The following FAM162A variants were observed in gnomAD, a reference collection of about 807,000 sequenced individuals.
FAM162A encodes protein FAM162A.
FAM162A carries 23 observed loss-of-function variants against 21.8 expected under a neutral mutation model. The observed-to-expected ratio is 1.05, with a 90% confidence interval of 0.76 to 1.49. FAM162A has a LOEUF of 1.49. FAM162A is among the 40% of genes most tolerant of loss of function. FAM162A has a pLI of 0.00. For synonymous variants in FAM162A, 53 were observed against 61.3 expected (o/e 0.86, Z 0.64); for missense variants, 165 against 186.4 (o/e 0.89, Z 0.67).
chr3:122,392,946 A>G (rs1165461177), intron 1 of FAM162A, among the ~76,000 whole-genome samples: 2 of 152,240 alleles, frequency 1.3e-5, no homozygotes, highest in African/African-American at 4.8e-5. Flanking sequence ...CTGTGTTTCA[A>G]GCATCTTACC....
chr3:122,384,223 C>T lies in FAM162A; in HGVS notation c.-43C>T, dbSNP rs554271504. On this transcript the variant is annotated 5_prime_UTR_variant, in exon 1 of 5. Transcript: ENST00000477892. ...ACATTGAGCTCACCAGCGCCACCGT[C>T]CCCGGCGAAGTTCTGCGCTGGTCGG... The T allele has an allele frequency of 9.6e-6, 15 of 1,555,734 alleles. No individual in the cohort carries two copies. In the East Asian group the frequency reaches 1.9e-4, roughly 20 times the overall value.
intron 1 of FAM162A, among the ~76,000 whole-genome samples, chr3:122,395,994 G>A (rs1033603194): frequency 2.6e-5 from 4 of 152,144 alleles, no homozygotes; most frequent in Non-Finnish European, 4.4e-5. Flanking sequence ...ATATTTACAT[G>A]CCAAAGAATG....
intron 1 of FAM162A, among the ~76,000 whole-genome samples, chr3:122,397,203 ATTT>A (rs970177328): frequency 6.7e-6 from 1 of 148,510 alleles, no homozygotes; most frequent in African/African-American, 2.5e-5. Context: ...TGTTCAAAAG[ATTT>A]TTTTTTTTAA....
At chr3:122,403,083 A>C (rs1339638173) in intron 2 of FAM162A, among the ~76,000 whole-genome samples, 1 of 151,850 alleles carries the variant, frequency 6.6e-6, no homozygotes, top group Admixed American at 6.6e-5. Flanking sequence ...ATGTTCCTAC[A>C]TCATACCTCC....
chr3:122,408,074 A>G (rs1408031641), intron 4 of FAM162A: 2 of 152,210 alleles, frequency 1.3e-5, no homozygotes, highest in Non-Finnish European at 2.9e-5. Flanking sequence ...ATATCTCCTT[A>G]ATGACGAGCC....
At chr3:122,394,374 G>T (rs2075617996) in intron 1 of FAM162A, among the ~76,000 whole-genome samples, 1 of 152,114 alleles carries the variant, frequency 6.6e-6, no homozygotes, top group South Asian at 2.1e-4. Flanking sequence ...GCCCCAACAT[G>T]CACACACAGC....
chr3:122,397,908 T>C (rs2075636621), intron 1 of FAM162A, among the ~76,000 whole-genome samples: 1 of 152,090 alleles, frequency 6.6e-6, no homozygotes, highest in South Asian at 2.1e-4. Flanking sequence ...CCAGAGCCCA[T>C]TGGGAGGAAT....
chr3:122,403,869 C>G (rs2075665133), intron 2 of FAM162A, among the ~76,000 whole-genome samples: 1 of 152,298 alleles, frequency 6.6e-6, no homozygotes, highest in East Asian at 1.9e-4. Flanking sequence ...CCGTGTCCCC[C>G]TTTTCTGTCT....
At position 122,399,996 on chromosome 3, in the gene FAM162A, C is replaced by T. The variant is rs139866097; in HGVS notation, c.35-2764C>T. 4.2e-3 allele frequency among the ~76,000 whole-genome samples: 633 copies of T among 152,110 alleles called. 3 individuals carry two copies. Among genetic ancestry groups the T allele is most frequent in the African/African-American group, 0.014 (596 of 41,474 alleles). ...GCAGACGCCTGTAATCCCAGCTACT[C>T]GGAAGGCTGAAGCAGGAGAATCGCT... On this transcript the variant is annotated intron_variant, in intron 1 of 4. Transcript: ENST00000477892.
chr3:122,386,034 A>T (rs1026177119), intron 1 of FAM162A, among the ~76,000 whole-genome samples: 6 of 152,112 alleles, frequency 3.9e-5, no homozygotes, highest in Non-Finnish European at 8.8e-5. Context: ...GTACCCTTTA[A>T]TTCTGGAATT....
At chr3:122,403,141 T>C (rs971738814) in intron 2 of FAM162A, among the ~76,000 whole-genome samples, 2 of 152,040 alleles carry the variant, frequency 1.3e-5, no homozygotes, top group Non-Finnish European at 2.9e-5. Context: ...ACACTTCTCA[T>C]GTTTTACTCA....
intron 1 of FAM162A, among the ~76,000 whole-genome samples, chr3:122,388,735 G>A (rs551302803): frequency 6.6e-6 from 1 of 152,220 alleles, no homozygotes; most frequent in South Asian, 2.1e-4. Context: ...AGTCAGAAGG[G>A]CTAATGATGA....
intron 1 of FAM162A, among the ~76,000 whole-genome samples, chr3:122,389,865 G>A (rs959920729): frequency 3.9e-5 from 6 of 152,150 alleles, no homozygotes; most frequent in Admixed American, 2.0e-4. Flanking sequence ...ATGAGCAAGT[G>A]TTACTTTTAT....
Position 122,410,265 on chromosome 3 carries a change from C to A in FAM162A, c.*434C>A. On this transcript the variant is annotated 3_prime_UTR_variant, in exon 5 of 5. Coordinates refer to ENST00000477892, the MANE Select transcript of FAM162A (RefSeq NM_014367.4). ...GGTGTACTGGTGGGGAGGCTGCCCCCTAATAGAGCGAGCGCTGAGAAGCAG... is the reference window on the plus strand; with the variant it reads ...GGTGTACTGGTGGGGAGGCTGCCCCATAATAGAGCGAGCGCTGAGAAGCAG... 2 of 254,454 alleles carry A rather than the reference C, an allele frequency of 7.9e-6. No individual in the cohort carries two copies. Among genetic ancestry groups the A allele is most frequent in the South Asian group, 4.1e-5 (1 of 24,550 alleles). 15.8% of individuals were successfully genotyped at this position (254,454 alleles called of 1,614,324 possible).
At chr3:122,406,509 A>G (rs1290974784) in intron 3 of FAM162A, among the ~76,000 whole-genome samples, 1 of 152,264 alleles carries the variant, frequency 6.6e-6, no homozygotes, top group Non-Finnish European at 1.5e-5. Context: ...CACAAGAATG[A>G]TGAACCAACC....
intron 1 of FAM162A, among the ~76,000 whole-genome samples, chr3:122,386,249 A>G (rs938047594): frequency 1.3e-5 from 2 of 152,220 alleles, no homozygotes; most frequent in Non-Finnish European, 2.9e-5. Context: ...AAGGAATGAA[A>G]GATCAAATAG....
intron 3 of FAM162A, among the ~76,000 whole-genome samples, chr3:122,406,648 A>C (rs2075677399): frequency 6.6e-6 from 1 of 152,182 alleles, no homozygotes; most frequent in South Asian, 2.1e-4. Flanking sequence ...ATTTGTTTAA[A>C]AAGATAAATA....
At chr3:122,393,104 C>G (rs1389946808) in intron 1 of FAM162A, among the ~76,000 whole-genome samples, 1 of 152,114 alleles carries the variant, frequency 6.6e-6, no homozygotes, top group Non-Finnish European at 1.5e-5. Flanking sequence ...TTGTGTTTGC[C>G]AGATCCAGGC....
At chr3:122,395,502 G>A (rs1324994485) in intron 1 of FAM162A, among the ~76,000 whole-genome samples, 21 of 152,146 alleles carry the variant, frequency 1.4e-4, no homozygotes, top group Admixed American at 6.5e-5. Context: ...ACGTACTCTG[G>A]AAATTGCAAA....
Sources: allele counts gnomAD v4.1 joint callset (sites outside exome capture counted in the v4.1 genomes callset), GRCh38; gene constraint gnomAD v4.1.1; transcripts MANE v1.5; gene names NCBI Gene and HGNC (gene_info 2026-07-23, HGNC 2026-07-21).